The following ANAPC1 variants were observed in gnomAD, a reference collection of about 807,000 sequenced individuals.
The protein encoded by ANAPC1 is anaphase-promoting complex subunit 1.
A neutral mutation model predicts 208.0 loss-of-function variants in ANAPC1; 36 were observed. The observed-to-expected ratio is 0.17, with a 90% confidence interval of 0.13 to 0.23. The LOEUF (loss-of-function observed/expected upper bound fraction) is 0.23, where lower values mean the gene tolerates loss of function less well. Among genes scored for constraint, ANAPC1 ranks in the 10% least tolerant of loss-of-function variants. ANAPC1 has a pLI of 1.00. For synonymous variants in ANAPC1, 378 were observed against 695.2 expected (o/e 0.54, Z 7.18); for missense variants, 942 against 2,011.6 (o/e 0.47, Z 10.17).
intron 28 of ANAPC1, among the ~76,000 whole-genome samples, chr2:111,810,653 C>T (rs1392794640): frequency 1.4e-5 from 2 of 146,746 alleles, no homozygotes; most frequent in Non-Finnish European, 3.0e-5. Flanking sequence ...GAGGCTGAAG[C>T]GGGCAGATCA....
At chr2:111,812,930 A>G (rs1573376535) in intron 28 of ANAPC1, among the ~76,000 whole-genome samples, 1 of 113,526 alleles carries the variant, frequency 8.8e-6, no homozygotes, top group East Asian at 2.4e-4. Context: ...CTGCCCCCGA[A>G]ATCAGAAGCA....
intron 18 of ANAPC1, among the ~76,000 whole-genome samples, chr2:111,835,135 TA>T (rs1209723244): frequency 3.9e-5 from 6 of 152,184 alleles, no homozygotes; most frequent in African/African-American, 1.2e-4. Context: ...GGAGAAGAAT[TA>T]TACTATTTAG....
rs1676577957 is a variant in ANAPC1 at position 111,769,039 on chromosome 2, A to T, written c.*252T>A. On this transcript the variant is annotated 3_prime_UTR_variant, in exon 48 of 48. Transcript: ENST00000341068. ...ACCCCTGCTCTATTCTCTAAGTCCA[A>T]AACTAAAGCAATCATCAAGAGTTTT... 1 of 288,128 alleles carries T rather than the reference A, an allele frequency of 3.5e-6. No individual in the cohort carries two copies. The highest frequency in any genetic ancestry group is 4.8e-5 in the Admixed American group (1 of 21,008). The allele number at this position is 288,128 out of a possible 1,614,324, so 17.8% of individuals were successfully genotyped here.
At chr2:111,790,170 T>C (rs1394798222) in intron 38 of ANAPC1, among the ~76,000 whole-genome samples, 4 of 151,982 alleles carry the variant, frequency 2.6e-5, no homozygotes, top group Non-Finnish European at 5.9e-5. Context: ...TACAGGGGTA[T>C]ACCATATTCA....
intron 21 of ANAPC1, among the ~76,000 whole-genome samples, chr2:111,826,994 TTTTCA>T (rs1679873557): frequency 6.6e-6 from 1 of 151,752 alleles, no homozygotes; most frequent in East Asian, 1.9e-4. Flanking sequence ...TAGGCATATG[TTTTCA>T]TTTATCTTAA....
intron 17 of ANAPC1, among the ~76,000 whole-genome samples, chr2:111,841,594 G>A (rs560456055): frequency 2.9e-3 from 439 of 152,244 alleles, no homozygotes; most frequent in Admixed American, 5.0e-3. Context: ...GATGATGTGT[G>A]CAAAGCATTA....
chr2:111,868,655 C>T (rs1210992953), intron 6 of ANAPC1, among the ~76,000 whole-genome samples: 5 of 152,156 alleles, frequency 3.3e-5, no homozygotes, highest in Non-Finnish European at 7.3e-5. Context: ...ATCAACCTCC[C>T]GAGTAGTTGG....
chr2:111,829,039 C>A (rs1027514095), intron 21 of ANAPC1, among the ~76,000 whole-genome samples: 5 of 152,124 alleles, frequency 3.3e-5, no homozygotes, highest in African/African-American at 7.2e-5. Flanking sequence ...ACATGGTGAA[C>A]CCCATCTCTA....
intron 2 of ANAPC1, among the ~76,000 whole-genome samples, chr2:111,879,949 C>T (rs1006443307): frequency 6.6e-6 from 1 of 152,124 alleles, no homozygotes; most frequent in African/African-American, 2.4e-5. Flanking sequence ...AAATCTTCTG[C>T]AGCAGGGACT....
At chr2:111,775,971 A>C (rs1055413575) in intron 46 of ANAPC1, among the ~76,000 whole-genome samples, 2 of 152,262 alleles carry the variant, frequency 1.3e-5, no homozygotes, top group Non-Finnish European at 2.9e-5. Context: ...AGGCTTTCCA[A>C]GTATATCCCT....
chr2:111,845,283 G>T (rs1430416925), intron 16 of ANAPC1, among the ~76,000 whole-genome samples: 3 of 152,192 alleles, frequency 2.0e-5, no homozygotes, highest in African/African-American at 7.2e-5. Context: ...AAACTGCAAT[G>T]TTTGTGTACT....
chr2:111,825,407 T>C (rs1450581176), intron 22 of ANAPC1, among the ~76,000 whole-genome samples: 2 of 152,208 alleles, frequency 1.3e-5, no homozygotes, highest in African/African-American at 4.8e-5. Flanking sequence ...CAACTGGCCC[T>C]GCAGAACCTG....
intron 21 of ANAPC1, among the ~76,000 whole-genome samples, chr2:111,827,094 T>A (rs979813891): frequency 5.3e-5 from 8 of 152,150 alleles, no homozygotes; most frequent in South Asian, 2.1e-4. Flanking sequence ...CCACCAGTAA[T>A]GTATGAGAGT....
chr2:111,775,876 T>A (rs1235716243), intron 46 of ANAPC1, among the ~76,000 whole-genome samples: 1 of 152,288 alleles, frequency 6.6e-6, no homozygotes, highest in Non-Finnish European at 1.5e-5. Flanking sequence ...TCCAAAAAAT[T>A]ATGAAGCTAT....
At chr2:111,862,811 G>T (rs1038566072) in intron 9 of ANAPC1, among the ~76,000 whole-genome samples, 1 of 151,986 alleles carries the variant, frequency 6.6e-6, no homozygotes, top group African/African-American at 2.4e-5. Flanking sequence ...ATTATTATTA[G>T]AAGAACTCAT....
intron 18 of ANAPC1, among the ~76,000 whole-genome samples, chr2:111,836,875 T>C (rs753004412): frequency 4.0e-5 from 6 of 150,990 alleles, no homozygotes; most frequent in Non-Finnish European, 8.9e-5. Flanking sequence ...GGCTGAGGCA[T>C]GAGAACTGCC....
intron 37 of ANAPC1, among the ~76,000 whole-genome samples, chr2:111,793,030 T>C (rs1302727055): frequency 1.3e-4 from 20 of 152,378 alleles, no homozygotes; most frequent in African/African-American, 4.8e-4. Flanking sequence ...ATTTCAAATA[T>C]TGAATATCAA....
intron 20 of ANAPC1, among the ~76,000 whole-genome samples, chr2:111,831,773 G>A (rs1489434700): frequency 1.4e-5 from 2 of 146,966 alleles, no homozygotes; most frequent in Non-Finnish European, 3.0e-5. Context: ...CCCAGGAGGT[G>A]GAGGTTGCAG....
Position 111,838,447 on chromosome 2 carries a change from T to A in ANAPC1, c.2106A>T (p.Gly702=), listed in dbSNP as rs1680590345. ...AAATAATAATGCTTACATCATCAGA[T>A]CCAGTCTCGGAAGGCCTTGCTTTTT... ...APKKARPSET[G]SDDDWEYLLN... The change falls in exon 18 of 48, where the codon GGA becomes GGT. Residue 702 remains glycine (G), a synonymous_variant. Coordinates refer to ENST00000341068, the MANE Select transcript of ANAPC1 (RefSeq NM_022662.4). The A allele has an allele frequency of 6.2e-7, 1 of 1,604,440 alleles. No individual in the cohort carries two copies. Among genetic ancestry groups the A allele is most frequent in the Non-Finnish European group, 8.5e-7 (1 of 1,177,332 alleles).
Sources: allele counts gnomAD v4.1 joint callset (sites outside exome capture counted in the v4.1 genomes callset), GRCh38; gene constraint gnomAD v4.1.1; transcripts MANE v1.5; gene names NCBI Gene and HGNC (gene_info 2026-07-23, HGNC 2026-07-21).